The following PXN variants were observed in gnomAD, a reference collection of about 807,000 sequenced individuals.
PXN encodes testicular tissue protein Li 134.
A neutral mutation model predicts 103.6 loss-of-function variants in PXN; 61 were observed. That is an observed-to-expected ratio of 0.59 (90% CI 0.48 to 0.73). PXN has a LOEUF of 0.73. Ranked by LOEUF, PXN falls within the 30% of genes least tolerant of loss-of-function variation. The pLI is 0.00. For missense variants in PXN, 1,274 were observed against 1,460.3 expected (o/e 0.87, Z 2.08); for synonymous variants, 562 against 607.8 (o/e 0.92, Z 1.11).
At chr12:120,231,107 T>C (rs559801386) in intron 1 of PXN, among the ~76,000 whole-genome samples, 1 of 152,144 alleles carries the variant, frequency 6.6e-6, no homozygotes, top group African/African-American at 2.4e-5. Flanking sequence ...GATGCCCTGA[T>C]CCCAGGCCCA....
chr12:120,239,185 G>A (rs375115138), intron 1 of PXN, among the ~76,000 whole-genome samples: 5 of 152,190 alleles, frequency 3.3e-5, no homozygotes, highest in African/African-American at 4.8e-5. Context: ...GGTGGATCAC[G>A]CCTGTAATCC....
At position 120,212,971 on chromosome 12, in the gene PXN, C is replaced by T. The variant is rs1880818607; in HGVS notation, c.2980-391G>A. On this transcript the variant is annotated intron_variant, in intron 14 of 14. Coordinates refer to ENST00000637617, the MANE Select transcript of PXN (RefSeq NM_001385981.1). The surrounding 1 kb of genome is among the most constrained non-coding windows in gnomAD (Gnocchi z 7.2). ...CATACACAGGTCTGACTCCTGAGCACTTAGCCAGGTGGCTGTAACAGTGTT... is the reference window on the plus strand; with the variant it reads ...CATACACAGGTCTGACTCCTGAGCATTTAGCCAGGTGGCTGTAACAGTGTT... 5.8e-6 allele frequency: 1 copy of T among 171,292 alleles called. No homozygotes were observed. Among genetic ancestry groups the T allele is most frequent in the African/African-American group, 2.4e-5 (1 of 42,000 alleles). The allele number at this position is 171,292 out of a possible 1,614,324, so 10.6% of individuals were successfully genotyped here. A position where few individuals can be genotyped will look rare whatever the true frequency, so the allele number is the denominator to read the frequency against.
chr12:120,225,245 A>G lies in PXN; in HGVS notation c.14-868T>C, dbSNP rs75670363. The G allele has an allele frequency of 0.031, 5,002 of 160,964 alleles. 259 individuals carry two copies. The highest frequency in any genetic ancestry group is 0.11 in the African/African-American group (4,637 of 41,538). 10.0% of individuals were successfully genotyped at this position (160,964 alleles called of 1,614,324 possible). A position where few individuals can be genotyped will look rare whatever the true frequency, so the allele number is the denominator to read the frequency against. ...GGACCTGCTGACCCCCACTTCCTCC[A>G]TCCCCTCCTGGGACCCTCAACAGCC... On this transcript the variant is annotated intron_variant, in intron 1 of 14. Transcript: ENST00000637617. The surrounding 1 kb of genome is among the most constrained non-coding windows in gnomAD (Gnocchi z 4.4).
chr12:120,238,915 T>C (rs1025039560), intron 1 of PXN, among the ~76,000 whole-genome samples: 5 of 152,148 alleles, frequency 3.3e-5, no homozygotes, highest in Non-Finnish European at 2.9e-5. Context: ...AAGCTAAACT[T>C]CCCAAGGACA....
chr12:120,230,413 C>G (rs1177869052), intron 1 of PXN, among the ~76,000 whole-genome samples: 1 of 152,208 alleles, frequency 6.6e-6, no homozygotes, highest in Admixed American at 6.5e-5. Context: ...CTGATGACCA[C>G]CTGGGCAGCC....
At chr12:120,256,015 T>C (rs1343874610) in intron 1 of PXN, among the ~76,000 whole-genome samples, 1 of 151,680 alleles carries the variant, frequency 6.6e-6, no homozygotes, top group Non-Finnish European at 1.5e-5. Flanking sequence ...GAGGTTGCAG[T>C]GAGCCAAGAT....
In PXN at chr12:120,221,854, C is replaced by T. The variant is rs543564440; in HGVS notation, c.696-96G>A. ...TCTCACCTCGGACACTGGGGTCTCA[C>T]CATCCCCAACCCCAGGGAGGTCCAC... is the stretch of plus-strand genomic sequence containing the variant. On this transcript the variant is annotated intron_variant, in intron 5 of 14. Transcript: ENST00000637617. This position sits in a 1 kb window ranked among gnomAD's most constrained non-coding sequence, Gnocchi z 6.6. The T allele has an allele frequency of 1.7e-4, 252 of 1,453,950 alleles. 5 individuals carry two copies. The South Asian group carries it at 3.3e-3, about 19-fold the overall frequency. The allele number at this position is 1,453,950 out of a possible 1,614,324, so 90.1% of individuals were successfully genotyped here. A position where few individuals can be genotyped will look rare whatever the true frequency, so the allele number is the denominator to read the frequency against.
chr12:120,249,342 G>A (rs984863328), intron 1 of PXN, among the ~76,000 whole-genome samples: 1 of 152,044 alleles, frequency 6.6e-6, no homozygotes, highest in Non-Finnish European at 1.5e-5. Context: ...CTCTAAGAAA[G>A]AATGGATCAG....
chr12:120,238,899 G>A (rs561599965), intron 1 of PXN, among the ~76,000 whole-genome samples: 5 of 152,286 alleles, frequency 3.3e-5, no homozygotes, highest in Non-Finnish European at 5.9e-5. Context: ...GTCCTTGGAC[G>A]CTCCTAAGCT....
intron 1 of PXN, among the ~76,000 whole-genome samples, chr12:120,258,377 T>C (rs1367651094): frequency 6.6e-6 from 1 of 152,160 alleles, no homozygotes; most frequent in African/African-American, 2.4e-5. Context: ...GTCTTTTTTC[T>C]GCACAGGTCA....
At position 120,211,774 on chromosome 12, in the gene PXN, G is replaced by A. The variant is rs1280937449; in HGVS notation, c.*540C>T. 2 of 390,684 alleles carry A rather than the reference G, an allele frequency of 5.1e-6. No individual in the cohort carries two copies. Among genetic ancestry groups the A allele is most frequent in the East Asian group, 1.4e-4 (2 of 13,830 alleles). 24.2% of individuals were successfully genotyped at this position (390,684 alleles called of 1,614,324 possible). Reference sequence around the variant, plus strand: ...CAGGCCTAGGGCACTGGAAGGGTAGGAGGAGCACAGAGAACCTTCCATGGC... The same window carrying A: ...CAGGCCTAGGGCACTGGAAGGGTAGAAGGAGCACAGAGAACCTTCCATGGC... On this transcript the variant is annotated 3_prime_UTR_variant, in exon 15 of 15. Transcript: ENST00000637617.
At chr12:120,248,225 C>T (rs1223378463) in intron 1 of PXN, among the ~76,000 whole-genome samples, 1 of 152,056 alleles carries the variant, frequency 6.6e-6, no homozygotes, top group Non-Finnish European at 1.5e-5. Flanking sequence ...TGAGGGACCC[C>T]AGCCTTTGCT....
chr12:120,216,321 C>G lies in PXN; in HGVS notation c.2253G>C (p.Arg751Ser). The change falls in exon 9 of 15, where the codon AGG becomes AGC. Residue 751 changes from arginine to serine, a missense_variant. Physicochemically the swap from Arg to Ser is moderately radical, Grantham distance 110. Around this residue, in one of 2 missense-constraint regions of PXN, gnomAD observed 1,178 missense variants for 1,309.0 expected, o/e 0.90. Transcript: ENST00000637617. The surrounding 1 kb of genome is among the most constrained non-coding windows in gnomAD (Gnocchi z 5.1). ...CCTCATCAGTCTGGCAGCCCACGGACCTCATGGTGTGGGGTGCAGGAATGG... is the reference window on the plus strand; with the variant it reads ...CCTCATCAGTCTGGCAGCCCACGGAGCTCATGGTGTGGGGTGCAGGAATGG... The part of the protein sequence containing the change: ...ALPIPAPHTM[R>S]SVGCQTDEDP... 7.8e-7 allele frequency: 1 copy of G among 1,287,142 alleles called. No homozygotes were observed. The highest frequency in any genetic ancestry group is 9.8e-7 in the Non-Finnish European group (1 of 1,021,928). The allele number at this position is 1,287,142 out of a possible 1,614,324, so 79.7% of individuals were successfully genotyped here.
At chr12:120,241,397 T>C (rs1181076676) in intron 1 of PXN, among the ~76,000 whole-genome samples, 5 of 152,108 alleles carry the variant, frequency 3.3e-5, no homozygotes, top group Non-Finnish European at 7.4e-5. Flanking sequence ...CTCGCTTGGG[T>C]ATCCAAGGCA....
At chr12:120,223,106 C>A in intron 3 of PXN, 107 bp from the exon 4 acceptor site, 1 of 1,566,082 alleles carries the variant, frequency 6.4e-7, no homozygotes, top group Non-Finnish European at 8.7e-7. Context: ...GATGCGAAGT[C>A]TTCCCCCGCA....
Position 120,229,229 on chromosome 12 carries a change from G to C in PXN, c.14-4852C>G, listed in dbSNP as rs1481749210. Among the ~76,000 whole-genome samples the C allele has an allele frequency of 6.6e-6, 1 of 152,148 alleles. No homozygotes were observed. The highest frequency in any genetic ancestry group is 1.5e-5 in the Non-Finnish European group (1 of 68,016). ...CACTGACGCATGGCACTCAATATCA[G>C]ATTAAAGAGAATCAATTAAAACCTT... On this transcript the variant is annotated intron_variant, in intron 1 of 14. Transcript: ENST00000637617. This position sits in a 1 kb window ranked among gnomAD's most constrained non-coding sequence, Gnocchi z 4.0.
At chr12:120,243,541 A>G (rs527730932) in intron 1 of PXN, among the ~76,000 whole-genome samples, 1 of 152,272 alleles carries the variant, frequency 6.6e-6, no homozygotes, top group South Asian at 2.1e-4. Flanking sequence ...AATTTTTAAA[A>G]ATTCGCCAGG....
At chr12:120,251,355 C>T (rs900087759) in intron 1 of PXN, among the ~76,000 whole-genome samples, 1 of 146,908 alleles carries the variant, frequency 6.8e-6, no homozygotes, top group African/African-American at 2.5e-5. Context: ...CCACCTCTAC[C>T]AAAACTACAA....
chr12:120,227,018 T>C (rs1887006693), intron 1 of PXN: 1 of 986,668 alleles, frequency 1.0e-6, no homozygotes, highest in Admixed American at 6.1e-5. Flanking sequence ...AAGGTCTTCC[T>C]CCAAGGAGAG....
Sources: allele counts gnomAD v4.1 joint callset (sites outside exome capture counted in the v4.1 genomes callset), GRCh38; gene constraint gnomAD v4.1.1; regional missense constraint gnomAD v4.1.1; non-coding constraint Gnocchi (gnomAD v3.1); transcripts MANE v1.5; gene names NCBI Gene and HGNC (gene_info 2026-07-23, HGNC 2026-07-21).